LRP2: variants seen among roughly 807,000 people sequenced by gnomAD.
LRP2 encodes low-density lipoprotein receptor-related protein 2.
Under a neutral mutation model 531.0 loss-of-function variants are expected in LRP2, and 172 were observed. The observed-to-expected ratio is 0.32, with a 90% CI of 0.29 to 0.37. The LOEUF (loss-of-function observed/expected upper bound fraction) is 0.37, where lower values mean the gene tolerates loss of function less well. Among genes scored for constraint, LRP2 ranks in the 10% least tolerant of loss-of-function variants. The pLI is 1.00. For synonymous variants in LRP2, 1,992 were observed against 2,027.6 expected, an observed-to-expected ratio of 0.98 and a Z score of 0.47; for missense variants, 5,167 against 5,868.3, an observed-to-expected ratio of 0.88 and a Z score of 3.90.
intron 71 of LRP2, 73 bp from the exon 72 acceptor site, chr2:169,140,618 C>A: frequency 1.7e-6 from 2 of 1,189,722 alleles, no homozygotes; most frequent in Non-Finnish European, 2.5e-6. Flanking sequence ...GCAAACCGGC[C>A]CAGGTTAGGG....
Position 169,239,567 on chromosome 2 carries a change from G to T in LRP2, c.4254C>A (p.Gly1418=). ...TCCTCCCATCACTTTCTAACATGTA[G>T]CCTGTATCACACGAGCACCGGAAAG... is the stretch of plus-strand genomic sequence containing the variant. ...RGSFRCSCDT[G]YMLESDGRTC... is the part of the protein sequence containing the mutation. Residue 1418 remains glycine (G), a synonymous_variant, in exon 26 of 79, where the codon GGC becomes GGA. Transcript: ENST00000649046. 6.2e-7 allele frequency: 1 copy of T among 1,614,010 alleles called. No individual in the cohort carries two copies. Among genetic ancestry groups the T allele is most frequent in the Non-Finnish European group, 8.5e-7 (1 of 1,179,936 alleles).
At chr2:169,147,039 C>A in intron 68 of LRP2, 80 bp from the exon 69 acceptor site, 1 of 1,082,730 alleles carries the variant, frequency 9.2e-7, no homozygotes, top group Admixed American at 2.0e-5. Context: ...GCATTACCTA[C>A]AGGGAAACCA....
intron 35 of LRP2, 135 bp from the exon 36 acceptor site, chr2:169,214,005 A>G: frequency 1.4e-6 from 1 of 689,832 alleles, no homozygotes; most frequent in South Asian, 1.7e-5. Context: ...TTTCACTTCT[A>G]TTTTCTGATT....
At chr2:169,277,318 A>C (rs887210001) in intron 13 of LRP2, among the ~76,000 whole-genome samples, 10 of 152,198 alleles carry the variant, frequency 6.6e-5, no homozygotes, top group African/African-American at 1.9e-4. Flanking sequence ...ATATAAGAGC[A>C]GAGTAAAATC....
intron 10 of LRP2, among the ~76,000 whole-genome samples, 161 bp downstream of exon 10, chr2:169,282,712 T>C (rs1418068226): frequency 1.3e-5 from 2 of 152,142 alleles, no homozygotes; most frequent in African/African-American, 4.8e-5. Context: ...GAAATTAATG[T>C]TGACCAATTT....
chr2:169,274,607 A>T (rs1683503995), intron 14 of LRP2, among the ~76,000 whole-genome samples: 2 of 152,164 alleles, frequency 1.3e-5, no homozygotes, highest in East Asian at 3.9e-4. Flanking sequence ...GAAGAAAAAA[A>T]TGGCTCTGAT....
In LRP2 at chr2:169,203,985, G is replaced by T; in HGVS notation, c.8002C>A (p.Pro2668Thr). The T allele has an allele frequency of 1.9e-6, 3 of 1,613,962 alleles. No homozygotes were observed. The highest frequency in any genetic ancestry group is 2.5e-6 in the Non-Finnish European group (3 of 1,179,902). The change falls in exon 42 of 79, where the codon CCA becomes ACA. Residue 2668 changes from proline (P) to threonine (T), a missense_variant. Pro to Thr is a conservative substitution (Grantham distance 38). Coordinates refer to ENST00000649046, the MANE Select transcript of LRP2 (RefSeq NM_004525.3). The part of the protein sequence containing the change: ...FNGGCSHICA[P>T]GPNGAECQCP... ...ATTTTCATGGTCAGTGCCTTACCTG[G>T]TGCACAGATATGGCTGCAGCCCCCA...
intron 16 of LRP2, 64 bp downstream of exon 16, chr2:169,270,840 T>C: frequency 9.0e-7 from 1 of 1,113,764 alleles, no homozygotes; most frequent in Non-Finnish European, 1.3e-6. Flanking sequence ...AAGTTGTAAG[T>C]ATCATTACAA....
chr2:169,266,609 G>A (rs1432540143), intron 16 of LRP2, among the ~76,000 whole-genome samples: 2 of 152,038 alleles, frequency 1.3e-5, no homozygotes, highest in Non-Finnish European at 2.9e-5. Context: ...GGAAATGTGG[G>A]AAGCTGGAAT....
chr2:169,353,635 T>C (rs1685913294), intron 1 of LRP2, among the ~76,000 whole-genome samples: 1 of 152,180 alleles, frequency 6.6e-6, no homozygotes, highest in Non-Finnish European at 1.5e-5. Context: ...GTGGGTAGGA[T>C]TGCCATATTT....
At chr2:169,169,247 T>C (rs992746805) in intron 60 of LRP2, among the ~76,000 whole-genome samples, 3 of 152,236 alleles carry the variant, frequency 2.0e-5, no homozygotes, top group African/African-American at 7.2e-5. Context: ...GAGAAATACC[T>C]ACAGGTGTGG....
chr2:169,233,545 A>C lies in LRP2; in HGVS notation c.4964T>G (p.Val1655Gly). The change falls in exon 30 of 79, where the codon GTG (valine) becomes GGG (glycine). Residue 1655 changes from valine (V) to glycine (G), a missense_variant. Transcript: ENST00000649046. ...ACGAGTAGCACGGTCAGTCCAGTAC[A>C]CAGAGTCTTCAAAGAGAGTTAGGGC... Reference protein sequence around the residue: ...PYALTLFEDSVYWTDRATRRV... With the variant: ...PYALTLFEDSGYWTDRATRRV... 6 of 1,614,174 alleles carry C rather than the reference A, an allele frequency of 3.7e-6. No homozygotes were observed. Among genetic ancestry groups the C allele is most frequent in the Non-Finnish European group, 5.1e-6 (6 of 1,180,038 alleles).
chr2:169,339,975 A>G (rs1685520275), intron 1 of LRP2, among the ~76,000 whole-genome samples: 1 of 152,200 alleles, frequency 6.6e-6, no homozygotes. Flanking sequence ...TCTATATGGT[A>G]TGCATCTGTA....
chr2:169,163,960 A>T (rs1050547400), intron 62 of LRP2, among the ~76,000 whole-genome samples: 1 of 152,220 alleles, frequency 6.6e-6, no homozygotes, highest in African/African-American at 2.4e-5. Flanking sequence ...CTCCCCAAAG[A>T]AGGGACCTTT....
At chr2:169,301,751 C>G (rs920706404) in intron 4 of LRP2, among the ~76,000 whole-genome samples, 1 of 152,112 alleles carries the variant, frequency 6.6e-6, no homozygotes, top group Admixed American at 6.6e-5. Context: ...TGAGAGGACT[C>G]TTACACACCA....
At chr2:169,352,857 C>T in intron 1 of LRP2, among the ~76,000 whole-genome samples, 1 of 151,328 alleles carries the variant, frequency 6.6e-6, no homozygotes, top group Admixed American at 6.6e-5. Context: ...GAACATCACA[C>T]ACCGGGGCCT....
At chr2:169,208,653 C>T (rs530344737) in intron 38 of LRP2, among the ~76,000 whole-genome samples, 19 of 152,164 alleles carry the variant, frequency 1.2e-4, no homozygotes, top group Admixed American at 7.2e-4. Flanking sequence ...GATGGGGTTT[C>T]ACCATGTTGG....
At chr2:169,350,215 T>C (rs1394285118) in intron 1 of LRP2, among the ~76,000 whole-genome samples, 1 of 152,134 alleles carries the variant, frequency 6.6e-6, no homozygotes, top group African/African-American at 2.4e-5. Context: ...TTTGCTGAGA[T>C]GAGAAATTCC....
intron 3 of LRP2, among the ~76,000 whole-genome samples, chr2:169,317,944 G>A (rs1684809972): frequency 6.6e-6 from 1 of 152,080 alleles, no homozygotes; most frequent in Non-Finnish European, 1.5e-5. Flanking sequence ...GGGCATGGTG[G>A]TGCACACCTA....
Sources: allele counts gnomAD v4.1 joint callset (sites outside exome capture counted in the v4.1 genomes callset), GRCh38; gene constraint gnomAD v4.1.1; transcripts MANE v1.5; gene names NCBI Gene and HGNC (gene_info 2026-07-23, HGNC 2026-07-21).